The following TTN variants were observed in gnomAD, a reference collection of about 807,000 sequenced individuals.
TTN encodes connectin.
In TTN, 1,525 loss-of-function variants were observed where a neutral mutation model predicts 3,223.0. The ratio of observed to expected loss-of-function variants is 0.47; its 90% CI spans 0.45 to 0.49. TTN has a LOEUF of 0.49. Among genes scored for constraint, TTN ranks in the 20% least tolerant of loss-of-function variants. The probability of loss-of-function intolerance (pLI) is 0.00; values close to 1 mark genes in which losing one functional copy is unlikely to be tolerated. For synonymous variants in TTN, 14,094 were observed against 15,161.0 expected, an observed-to-expected ratio of 0.93 and a Z score of 5.17; for missense variants, 40,786 against 43,424.0, an observed-to-expected ratio of 0.94 and a Z score of 5.40.
rs747871862 is a variant in TTN, at chr2:178,580,557, A to T, written c.66822T>A (p.Arg22274=). The T allele has an allele frequency of 8.1e-6, 13 of 1,612,590 alleles. No homozygotes were observed. In the South Asian group the frequency reaches 1.2e-4, roughly 15 times the overall value. ...DADLRKTLIL[R]AGVTMRLYVP... ...CATATAGTCTCATAGTAACTCCAGC[A>T]CGTAATATGAGTGTCTTCCTTAAGT... The change falls in exon 317 of 363, where the codon CGT becomes CGA. Residue 22274 remains arginine (R), a synonymous_variant. Coordinates refer to ENST00000589042, the MANE Select transcript of TTN (RefSeq NM_001267550.2).
At chr2:178,799,377 C>A in intron 6 of TTN, 110 bp downstream of exon 6, 1 of 1,549,772 alleles carries the variant, frequency 6.5e-7, no homozygotes, top group Non-Finnish European at 8.8e-7. Flanking sequence ...ACTGAAGAAG[C>A]GAACCACTCT....
chr2:178,705,986 C>T (rs548847487), intron 102 of TTN, among the ~76,000 whole-genome samples: 42 of 152,256 alleles, frequency 2.8e-4, no homozygotes, highest in African/African-American at 9.4e-4. Context: ...CTCTTAAATT[C>T]GGAAATTGAT....
Position 178,729,468 on chromosome 2 carries a change from C to T in TTN, c.18688G>A (p.Val6230Ile). 6.2e-7 allele frequency: 1 copy of T among 1,613,606 alleles called. No homozygotes were observed. The highest frequency in any genetic ancestry group is 8.5e-7 in the Non-Finnish European group (1 of 1,179,644). ...TCCCTGTTATTCTTCAGCCAAGTGA[C>T]TTCAAACGGAGGTGTTCCCGTAACT... ...CEVTGTPPFE[V>I]TWLKNNREIR... The change falls in exon 64 of 363, where the codon GTC (valine) becomes ATC (isoleucine). Residue 6230 changes from valine (V) to isoleucine (I), a missense_variant. Val to Ile is a conservative substitution (Grantham distance 29). Coordinates refer to ENST00000589042, the MANE Select transcript of TTN (RefSeq NM_001267550.2).
At position 178,579,091 on chromosome 2, in the gene TTN, G is replaced by A. The variant is rs1451467519; in HGVS notation, c.67939C>T (p.Pro22647Ser). ...SIKVVGKPGIPTGPIKFDEVT... is the reference protein window; with the variant it reads ...SIKVVGKPGISTGPIKFDEVT... ...TCATCAAATTTGATTGGTCCAGTGGGGATGCCAGGCTTGCCAACAACCTTT... is the reference window on the plus strand; with the variant it reads ...TCATCAAATTTGATTGGTCCAGTGGAGATGCCAGGCTTGCCAACAACCTTT... The change falls in exon 320 of 363, where the codon CCC becomes TCC. Residue 22647 changes from proline to serine, a missense_variant. Coordinates refer to ENST00000589042, the MANE Select transcript of TTN (RefSeq NM_001267550.2). 1.4e-5 allele frequency: 22 copies of A among 1,613,336 alleles called. No homozygotes were observed. The highest frequency in any genetic ancestry group is 2.2e-5 in the South Asian group (2 of 91,070).
chr2:178,666,935 A>G (rs772830200), intron 162 of TTN, 34 bp from the exon 163 acceptor site: 15 of 1,437,466 alleles, frequency 1.0e-5, no homozygotes, highest in Non-Finnish European at 2.8e-6. Context: ...TTAATTGAGA[A>G]AAGGCAAAGG....
Position 178,634,645 on chromosome 2 carries a change from TAAGA to T in TTN, c.42152-20_42152-17del. On this transcript the variant is annotated splice_polypyrimidine_tract_variant and intron_variant, in intron 229 of 362. Transcript: ENST00000589042. This position sits in a 1 kb window ranked among gnomAD's most constrained non-coding sequence, Gnocchi z 4.6. ...AGTTCGATTTCTGAAAATCAGACAT[TAAGA>T]ATGAGGCTTTTCAGAATGCACAGGG... 6.2e-7 allele frequency: 1 copy of T among 1,612,556 alleles called. No individual in the cohort carries two copies. The highest frequency in any genetic ancestry group is 1.7e-5 in the Admixed American group (1 of 59,760).
rs200848334 is a variant in TTN, at chr2:178,795,026, C to T, written c.1141G>A (p.Gly381Ser). The change falls in exon 7 of 363, where the codon GGT becomes AGT. Residue 381 changes from glycine (G) to serine (S), a missense_variant. Gly to Ser is a moderately conservative substitution (Grantham distance 56). Transcript: ENST00000589042. Reference protein sequence around the residue: ...RTEERWEGRYGVQEQVTISGA... With the variant: ...RTEERWEGRYSVQEQVTISGA... ...CTGATGGTCACTTGCTCCTGGACAC[C>T]GTATCTCCCTTCCCATCTCTCTTCT... 3.9e-5 allele frequency: 63 copies of T among 1,612,244 alleles called. No individual in the cohort carries two copies. Among genetic ancestry groups the T allele is most frequent in the Non-Finnish European group, 1.6e-5 (19 of 1,180,016 alleles).
At chr2:178,709,051 C>G (rs531571614) in intron 99 of TTN, among the ~76,000 whole-genome samples, 2 of 152,206 alleles carry the variant, frequency 1.3e-5, no homozygotes, top group East Asian at 3.9e-4. Flanking sequence ...TCTTTTTGGG[C>G]AAATGTTACC....
intron 219 of TTN, 69 bp downstream of exon 219, chr2:178,642,167 AT>A: frequency 7.4e-7 from 1 of 1,345,336 alleles, no homozygotes; most frequent in African/African-American, 1.5e-5. Context: ...GGACAGAAAC[AT>A]TTTGTAAGCT....
At chr2:178,773,029 G>A (rs193114828) in intron 33 of TTN, 80 bp downstream of exon 33, 1 of 1,590,422 alleles carries the variant, frequency 6.3e-7, no homozygotes, top group East Asian at 2.2e-5. Flanking sequence ...AAACTGAAAG[G>A]AATTTTGGGG....
At chr2:178,621,030 T>C (rs1360931278) in intron 246 of TTN, 37 bp from the exon 247 acceptor site, 7 of 1,604,002 alleles carry the variant, frequency 4.4e-6, no homozygotes, top group African/African-American at 2.7e-5. Flanking sequence ...GTATGAATAA[T>C]GATCAAAGTG....
chr2:178,624,465 G>A lies in TTN; in HGVS notation c.44815C>T (p.Pro14939Ser), dbSNP rs376163621. The A allele has an allele frequency of 3.1e-6, 5 of 1,611,974 alleles. No homozygotes were observed. In the African/African-American group the frequency reaches 5.3e-5, roughly 17 times the overall value. The change falls in exon 242 of 363, where the codon CCT becomes TCT. Residue 14939 changes from proline (P) to serine (S), a missense_variant and splice_region_variant. Transcript: ENST00000589042. ...FKTSCNLNVV[P>S]PHVEFLRPLT... Reference sequence around the variant, plus strand: ...AGTCCTTTGTAAGAAGAATACTTACGCACGACATTCAGGTTACAGGAAGTC... The same window carrying A: ...AGTCCTTTGTAAGAAGAATACTTACACACGACATTCAGGTTACAGGAAGTC...
intron 218 of TTN, 63 bp from the exon 219 acceptor site, chr2:178,642,380 A>G: frequency 7.0e-7 from 1 of 1,430,028 alleles, no homozygotes; most frequent in Non-Finnish European, 9.6e-7. Context: ...TTCAACAAGA[A>G]AAATGTCTCT....
At position 178,563,069 on chromosome 2, in the gene TTN, C is replaced by G. The variant is rs185002960; in HGVS notation, c.83063G>C (p.Arg27688Pro). 7 of 1,613,640 alleles carry G rather than the reference C, an allele frequency of 4.3e-6. No individual in the cohort carries two copies. In the African/African-American group the frequency reaches 8.0e-5, roughly 18 times the overall value. Residue 27688 changes from arginine to proline, a missense_variant, in exon 326 of 363, where the codon CGT (arginine) becomes CCT (proline). Coordinates refer to ENST00000589042, the MANE Select transcript of TTN (RefSeq NM_001267550.2). This position sits in a 1 kb window ranked among gnomAD's most constrained non-coding sequence, Gnocchi z 4.5. ...DADLRKVVVLRASATLRLFVT... is the reference protein window; with the variant it reads ...DADLRKVVVLPASATLRLFVT... ...AAATAAGCGTAAAGTAGCACTTGCACGCAGAACGACCACCTTTCTGAGATC... is the reference window on the plus strand; with the variant it reads ...AAATAAGCGTAAAGTAGCACTTGCAGGCAGAACGACCACCTTTCTGAGATC...
rs566449160 is a variant in TTN, at chr2:178,612,368, A to G, written c.50157T>C (p.Ser16719=). Residue 16719 remains serine, a synonymous_variant, in exon 266 of 363, where the codon TCT becomes TCC. Transcript: ENST00000589042. The part of the protein sequence containing the change: ...KCTVTPLTEG[S]LYVFRVAAEN... ...CTGCAGCAACTCGGAACACATATAA[A>G]GAGCCCTCAGTCAGTGGGGTGACTG... 63 of 1,612,566 alleles carry G rather than the reference A, an allele frequency of 3.9e-5. No homozygotes were observed. In the South Asian group the frequency reaches 5.5e-4, roughly 14 times the overall value.
intron 107 of TTN, 21 bp downstream of exon 107, chr2:178,702,433 G>A (rs1303434061): frequency 2.5e-6 from 4 of 1,613,032 alleles, no homozygotes; most frequent in East Asian, 2.2e-5. Context: ...ACATTCACTG[G>A]AAAACTGTCA....
rs757945673 is a variant in TTN at position 178,707,707 on chromosome 2, C to T, written c.28860G>A (p.Arg9620=). ...SCHVQGSEPI[R]IQWLKAGREI... is the part of the protein sequence containing the mutation. ...CCCTGCCAGCCTTCAACCACTGGAT[C>T]CTAATTGGCTCAGATCCCTGGACAT... Residue 9620 remains arginine, a synonymous_variant, in exon 100 of 363, where the codon AGG becomes AGA. Coordinates refer to ENST00000589042, the MANE Select transcript of TTN (RefSeq NM_001267550.2). The T allele has an allele frequency of 1.2e-6, 2 of 1,613,860 alleles. No homozygotes were observed. Among genetic ancestry groups the T allele is most frequent in the Non-Finnish European group, 8.5e-7 (1 of 1,179,876 alleles).
Position 178,768,899 on chromosome 2 carries a change from G to A in TTN, c.8937C>T (p.Asn2979=), listed in dbSNP as rs368525666. 2.6e-5 allele frequency: 42 copies of A among 1,613,902 alleles called. No homozygotes were observed. Among genetic ancestry groups the A allele is most frequent in the East Asian group, 6.7e-5 (3 of 44,818 alleles). Residue 2979 remains asparagine, a synonymous_variant, in exon 38 of 363, where the codon AAC becomes AAT. Transcript: ENST00000589042. Reference sequence around the variant, plus strand: ...AAGTAATAGTGTCTTTTTCTTCAGCGTTGATGTCTTTCAGCATGGAAGTAA... The same window carrying A: ...AAGTAATAGTGTCTTTTTCTTCAGCATTGATGTCTTTCAGCATGGAAGTAA... ...IMITSMLKDI[N]AEEKDTITFE... is the part of the protein sequence containing the mutation.
chr2:178,563,634 C>T lies in TTN; in HGVS notation c.82498G>A (p.Glu27500Lys), dbSNP rs375422359. ...WARPVDDGGT[E>K]IEGYILEKRD... ...TTTTCAAGAATGTAGCCCTCAATTTCGGTACCTCCGTCGTCTACTGGGCGT... is the reference window on the plus strand; with the variant it reads ...TTTTCAAGAATGTAGCCCTCAATTTTGGTACCTCCGTCGTCTACTGGGCGT... The change falls in exon 326 of 363, where the codon GAA becomes AAA. Residue 27500 changes from glutamate to lysine, a missense_variant. By Grantham distance (56) the Glu-to-Lys change is moderately conservative. Transcript: ENST00000589042. The surrounding 1 kb of genome is among the most constrained non-coding windows in gnomAD (Gnocchi z 4.5). The T allele has an allele frequency of 1.1e-5, 18 of 1,613,628 alleles. No individual in the cohort carries two copies. Among genetic ancestry groups the T allele is most frequent in the African/African-American group, 1.1e-4 (8 of 74,876 alleles).
Sources: allele counts gnomAD v4.1 joint callset (sites outside exome capture counted in the v4.1 genomes callset), GRCh38; gene constraint gnomAD v4.1.1; non-coding constraint Gnocchi (gnomAD v3.1); transcripts MANE v1.5; gene names NCBI Gene and HGNC (gene_info 2026-07-23, HGNC 2026-07-21).